The following KDM4C variants were observed in gnomAD, a reference collection of about 807,000 sequenced individuals.
KDM4C encodes lysine demethylase 4C.
KDM4C carries 81 observed loss-of-function variants against 129.3 expected under a neutral mutation model. The ratio of observed to expected loss-of-function variants is 0.63; its 90% CI spans 0.52 to 0.75. The LOEUF (loss-of-function observed/expected upper bound fraction) is 0.75, where lower values mean the gene tolerates loss of function less well. Ranked by LOEUF, KDM4C falls within the 30% of genes least tolerant of loss-of-function variation. The pLI is 0.00. For missense variants in KDM4C, 1,457 were observed against 1,304.0 expected, an observed-to-expected ratio of 1.12 and a Z score of -1.81; for synonymous variants, 573 against 456.1, an observed-to-expected ratio of 1.26 and a Z score of -3.26.
chr9:6,853,750 A>T (rs942426952), intron 5 of KDM4C, among the ~76,000 whole-genome samples: 2 of 152,194 alleles, frequency 1.3e-5, no homozygotes, highest in Non-Finnish European at 2.9e-5. Flanking sequence ...TTTGACAGTC[A>T]GTGGTAAAGT....
At position 7,148,020 on chromosome 9, in the gene KDM4C, G is replaced by T. The variant is rs574063829; in HGVS notation, c.2782-17218G>T. On this transcript the variant is annotated intron_variant, in intron 19 of 21. Coordinates refer to ENST00000381309, the MANE Select transcript of KDM4C (RefSeq NM_015061.6). ...CAGGCTTGGAGCGGCGAGGTTGTGT[G>T]TGAGCACAGGGCCAGGCCACTGCAC... Among the ~76,000 whole-genome samples the T allele has an allele frequency of 4.0e-4, 61 of 152,370 alleles. 2 individuals are homozygous for T. The highest frequency in any genetic ancestry group is 3.3e-3 in the Admixed American group (50 of 15,310).
At chr9:7,043,667 C>G (rs534118050) in intron 15 of KDM4C, among the ~76,000 whole-genome samples, 11 of 151,678 alleles carry the variant, frequency 7.3e-5, no homozygotes, top group South Asian at 2.1e-4. Flanking sequence ...CTTGACATGA[C>G]TTTGGTTGTT....
chr9:7,166,420 G>T (rs1844388004), intron 20 of KDM4C, among the ~76,000 whole-genome samples: 1 of 147,518 alleles, frequency 6.8e-6, no homozygotes, highest in African/African-American at 2.6e-5. Flanking sequence ...AATGGATAGG[G>T]GAGGATGTAT....
chr9:7,121,362 A>C (rs1050591412), intron 18 of KDM4C, among the ~76,000 whole-genome samples: 1 of 152,170 alleles, frequency 6.6e-6, no homozygotes, highest in Non-Finnish European at 1.5e-5. Flanking sequence ...TTCACACCCC[A>C]GAGTCTGAGG....
intron 12 of KDM4C, among the ~76,000 whole-genome samples, chr9:6,995,640 T>A (rs907848759): frequency 6.6e-6 from 1 of 152,226 alleles, no homozygotes; most frequent in Non-Finnish European, 1.5e-5. Flanking sequence ...TATCTTTTGA[T>A]GGTTTCAGAA....
At chr9:7,123,277 T>C (rs948309444) in intron 18 of KDM4C, among the ~76,000 whole-genome samples, 5 of 152,184 alleles carry the variant, frequency 3.3e-5, no homozygotes, top group Admixed American at 6.5e-5. Flanking sequence ...TCACCTTCCT[T>C]TTCCCTTGGC....
intron 8 of KDM4C, among the ~76,000 whole-genome samples, chr9:6,911,101 A>G (rs916357678): frequency 2.0e-5 from 3 of 152,316 alleles, no homozygotes; most frequent in African/African-American, 4.8e-5. Context: ...ACCAGTTATC[A>G]CATGTGCAGT....
intron 1 of KDM4C, among the ~76,000 whole-genome samples, chr9:6,784,533 A>G (rs1825058839): frequency 6.6e-6 from 1 of 152,080 alleles, no homozygotes; most frequent in Non-Finnish European, 1.5e-5. Context: ...CACTCGGCCC[A>G]CTGTATTCTT....
chr9:6,962,331 G>A (rs925244875), intron 8 of KDM4C, among the ~76,000 whole-genome samples: 3 of 152,184 alleles, frequency 2.0e-5, no homozygotes, highest in African/African-American at 7.2e-5. Flanking sequence ...AAGATGAAAT[G>A]TAGATAAGTT....
At chr9:6,782,210 G>A (rs1588227163) in intron 1 of KDM4C, among the ~76,000 whole-genome samples, 1 of 152,160 alleles carries the variant, frequency 6.6e-6, no homozygotes, top group South Asian at 2.1e-4. Flanking sequence ...AGTGCCGAGA[G>A]CATTTAAAAA....
intron 19 of KDM4C, among the ~76,000 whole-genome samples, chr9:7,160,338 C>A (rs574959320): frequency 6.6e-6 from 1 of 152,320 alleles, no homozygotes; most frequent in Non-Finnish European, 1.5e-5. Context: ...TCTGTCAACT[C>A]GTCAAAGTCA....
intron 19 of KDM4C, among the ~76,000 whole-genome samples, chr9:7,143,276 G>C (rs1329532018): frequency 2.6e-5 from 4 of 152,132 alleles, no homozygotes; most frequent in Non-Finnish European, 5.9e-5. Context: ...AACTAACCTT[G>C]TTACTTTTTT....
At chr9:6,837,529 C>G (rs1836103295) in intron 4 of KDM4C, among the ~76,000 whole-genome samples, 1 of 152,202 alleles carries the variant, frequency 6.6e-6, no homozygotes, top group Non-Finnish European at 1.5e-5. Context: ...CGCTTAATAT[C>G]TTACTACTTG....
At chr9:7,004,694 G>A (rs1159889297) in intron 12 of KDM4C, among the ~76,000 whole-genome samples, 1 of 152,158 alleles carries the variant, frequency 6.6e-6, no homozygotes, top group Non-Finnish European at 1.5e-5. Flanking sequence ...GTGAATGGGA[G>A]AATAAAGGCT....
chr9:6,984,861 C>A (rs1486806766), intron 10 of KDM4C, among the ~76,000 whole-genome samples: 2 of 152,134 alleles, frequency 1.3e-5, no homozygotes, highest in South Asian at 2.1e-4. Flanking sequence ...CATGTATAGT[C>A]CCCTTGCTTC....
intron 8 of KDM4C, among the ~76,000 whole-genome samples, chr9:6,927,990 T>C (rs1191337061): frequency 6.6e-6 from 1 of 152,222 alleles, no homozygotes; most frequent in African/African-American, 2.4e-5. Context: ...AACATTCTTA[T>C]CTTGGCTCCC....
chr9:6,759,057 A>G (rs1777205546), intron 1 of KDM4C, among the ~76,000 whole-genome samples: 1 of 152,076 alleles, frequency 6.6e-6, no homozygotes, highest in African/African-American at 2.4e-5. Context: ...TACTACCGGG[A>G]GGGGTTTTGT....
At chr9:6,731,239 G>A (rs563658112) in intron 1 of KDM4C, among the ~76,000 whole-genome samples, 1 of 151,818 alleles carries the variant, frequency 6.6e-6, no homozygotes, top group Non-Finnish European at 1.5e-5. Flanking sequence ...AAAACAAAAC[G>A]TGGTCTGTTC....
At chr9:6,792,539 C>T (rs1408976772) in intron 1 of KDM4C, among the ~76,000 whole-genome samples, 1 of 151,744 alleles carries the variant, frequency 6.6e-6, no homozygotes, top group Non-Finnish European at 1.5e-5. Context: ...CAGGCATGTA[C>T]CACCACACCC....
Sources: allele counts gnomAD v4.1 joint callset (sites outside exome capture counted in the v4.1 genomes callset), GRCh38; gene constraint gnomAD v4.1.1; transcripts MANE v1.5; gene names NCBI Gene and HGNC (gene_info 2026-07-23, HGNC 2026-07-21).